The following DIP2A variants were observed in gnomAD, a reference collection of about 807,000 sequenced individuals.
DIP2A encodes DIP2 acetate--CoA ligase A.
In DIP2A, 85 loss-of-function variants were observed where a neutral mutation model predicts 177.4. The observed-to-expected ratio is 0.48, with a 90% CI of 0.40 to 0.57. The LOEUF is 0.57. Ranked by LOEUF, DIP2A falls within the 20% of genes least tolerant of loss-of-function variation. The pLI is 0.00. For synonymous variants in DIP2A, 886 were observed against 881.8 expected, an observed-to-expected ratio of 1.00 and a Z score of -0.08; for missense variants, 1,791 against 2,100.2, an observed-to-expected ratio of 0.85 and a Z score of 2.88.
chr21:46,557,493 G>T lies in DIP2A; in HGVS notation c.3630-92G>T. The T allele has an allele frequency of 7.8e-6, 11 of 1,419,186 alleles. No homozygotes were observed. The highest frequency in any genetic ancestry group is 1.0e-5 in the Non-Finnish European group (11 of 1,057,310). The allele number at this position is 1,419,186 out of a possible 1,614,324, so 87.9% of individuals were successfully genotyped here. ...GAACAGAAATCATGCCCCTGTTGTGGCTGGAAAAGAAGTGTTCTTGAGGAA... is the reference window on the plus strand; with the variant it reads ...GAACAGAAATCATGCCCCTGTTGTGTCTGGAAAAGAAGTGTTCTTGAGGAA... On this transcript the variant is annotated intron_variant, in intron 30 of 37. Coordinates refer to ENST00000417564, the MANE Select transcript of DIP2A (RefSeq NM_015151.4). This position sits in a 1 kb window ranked among gnomAD's most constrained non-coding sequence, Gnocchi z 6.0.
chr21:46,502,495 TG>T (rs2057710309), intron 5 of DIP2A, among the ~76,000 whole-genome samples: 1 of 128,830 alleles, frequency 7.8e-6, no homozygotes, highest in South Asian at 2.7e-4. Flanking sequence ...TCCCCCAGGC[TG>T]GAGTGCAGTG....
intron 18 of DIP2A, among the ~76,000 whole-genome samples, chr21:46,542,916 A>G (rs1221753048): frequency 2.0e-5 from 3 of 152,216 alleles, no homozygotes; most frequent in Non-Finnish European, 4.4e-5. Context: ...GTGGCTGCTC[A>G]GGTGCAGACC....
intron 1 of DIP2A, among the ~76,000 whole-genome samples, chr21:46,474,078 C>T (rs2055634806): frequency 1.3e-5 from 2 of 152,106 alleles, no homozygotes; most frequent in African/African-American, 4.8e-5. Context: ...CTGGTCTGGA[C>T]AGAGCTGAGC....
intron 28 of DIP2A, 150 bp downstream of exon 28, chr21:46,555,083 T>G (rs113234632): frequency 0.02 from 15,228 of 780,376 alleles, 196 homozygotes; most frequent in Non-Finnish European, 0.025. Flanking sequence ...CGGGCCCTGG[T>G]GGGGAGTAGG....
At chr21:46,521,778 T>C (rs1050953529) in intron 8 of DIP2A, among the ~76,000 whole-genome samples, 10 of 152,280 alleles carry the variant, frequency 6.6e-5, no homozygotes, top group Non-Finnish European at 1.3e-4. Context: ...CACACACAAT[T>C]TCTTTTACAA....
intron 3 of DIP2A, among the ~76,000 whole-genome samples, chr21:46,496,652 C>T (rs2057377297): frequency 6.6e-6 from 1 of 152,142 alleles, no homozygotes; most frequent in Non-Finnish European, 1.5e-5. Flanking sequence ...CCCTCCTGAG[C>T]CATATGAGGC....
intron 33 of DIP2A, chr21:46,561,196 C>T (rs1236632608): frequency 9.3e-6 from 3 of 324,268 alleles, no homozygotes; most frequent in Non-Finnish European, 1.6e-5. Context: ...CCCGATGACC[C>T]ATGTGACATT....
chr21:46,551,941 C>T lies in DIP2A; in HGVS notation c.3030+37C>T, dbSNP rs1373093155. ...TCACGCCCACGGGGCTTGGAAACAC[C>T]TGTGGGCCGGTGGAGCCCTTTGCTT... On this transcript the variant is annotated intron_variant, in intron 25 of 37. Transcript: ENST00000417564. 7 of 1,559,978 alleles carry T rather than the reference C, an allele frequency of 4.5e-6. No homozygotes were observed. In the South Asian group the frequency reaches 5.8e-5, roughly 13 times the overall value.
chr21:46,466,755 A>G (rs1001537339), intron 1 of DIP2A, among the ~76,000 whole-genome samples: 2 of 151,172 alleles, frequency 1.3e-5, no homozygotes, highest in African/African-American at 2.4e-5. Context: ...CCTTTTTCCA[A>G]CTGCATGTCT....
intron 27 of DIP2A, 36 bp from the exon 28 acceptor site, chr21:46,554,786 G>GGGGGGGGGCCCCCCCCCCCCCCC: frequency 6.6e-7 from 1 of 1,519,118 alleles, no homozygotes; most frequent in Non-Finnish European, 8.8e-7. Context: ...AGCTTGAGAG[G>GGGGGGGGGCCCCCCCCCCCCCCC]CCCCGCCCAC....
In DIP2A at chr21:46,557,517, A is replaced by G. The variant is rs2060510318; in HGVS notation, c.3630-68A>G. On this transcript the variant is annotated intron_variant, in intron 30 of 37. Coordinates refer to ENST00000417564, the MANE Select transcript of DIP2A (RefSeq NM_015151.4). The surrounding 1 kb of genome is among the most constrained non-coding windows in gnomAD (Gnocchi z 6.0). ...GGCTGGAAAAGAAGTGTTCTTGAGG[A>G]AGGGAAGAGTGGAGTGCCCAGGGTG... 1 of 1,517,296 alleles carries G rather than the reference A, an allele frequency of 6.6e-7. No homozygotes were observed. Among genetic ancestry groups the G allele is most frequent in the Non-Finnish European group, 8.9e-7 (1 of 1,122,012 alleles). 94.0% of individuals were successfully genotyped at this position (1,517,296 alleles called of 1,614,324 possible).
At position 46,498,629 on chromosome 21, in the gene DIP2A, C is replaced by A. The variant is rs1249743492; in HGVS notation, c.451C>A (p.Arg151=). The A allele has an allele frequency of 1.2e-6, 2 of 1,612,948 alleles. No individual in the cohort carries two copies. The highest frequency in any genetic ancestry group is 8.5e-7 in the Non-Finnish European group (1 of 1,179,550). ...EDEGSLRRPG[R]LTSTPLQSHS... is the part of the protein sequence containing the mutation. ...TGAGGGCTCTTTACGGCGACCCGGG[C>A]GACTCACCTCCACTCCGCTCCAGAG... The change falls in exon 5 of 38, where the codon CGA becomes AGA. Residue 151 remains arginine, a synonymous_variant. Transcript: ENST00000417564. The surrounding 1 kb of genome is among the most constrained non-coding windows in gnomAD (Gnocchi z 4.3).
chr21:46,545,751 G>A, intron 19 of DIP2A, 130 bp from the exon 20 acceptor site: 3 of 1,097,420 alleles, frequency 2.7e-6, no homozygotes, highest in South Asian at 2.8e-5. Context: ...GCCTATGCAG[G>A]GCCAGCCTCC....
At chr21:46,487,371 C>T (rs1328402114) in intron 2 of DIP2A, among the ~76,000 whole-genome samples, 2 of 152,142 alleles carry the variant, frequency 1.3e-5, no homozygotes, top group African/African-American at 2.4e-5. Flanking sequence ...GCCCATTTGT[C>T]CAAAATCACC....
At position 46,568,287 on chromosome 21, in the gene DIP2A, G is replaced by A. The variant is rs143653090; in HGVS notation, c.*665G>A. Reference sequence around the variant, plus strand: ...TGTAATCCCAGCACTTTGGGAGGCCGAGGCGAGCAGATCACGAGGTCAGGA... The same window carrying A: ...TGTAATCCCAGCACTTTGGGAGGCCAAGGCGAGCAGATCACGAGGTCAGGA... On this transcript the variant is annotated 3_prime_UTR_variant, in exon 38 of 38. Transcript: ENST00000417564. 9,810 of 152,320 alleles carry A rather than the reference G, an allele frequency of 0.064. 358 individuals are homozygous for A. The highest frequency in any genetic ancestry group is 0.08 in the Non-Finnish European group (5,459 of 68,132). The allele number at this position is 152,320 out of a possible 1,614,324, so 9.4% of individuals were successfully genotyped here.
At chr21:46,579,413 G>A in the DIP2A span, among the ~76,000 whole-genome samples, 2 of 148,542 alleles carry the variant, frequency 1.3e-5, no homozygotes, top group Non-Finnish European at 1.5e-5. Context: ...TCCTGGATTC[G>A]TTGATTTTTT....
chr21:46,503,767 C>A (rs1175123183), intron 5 of DIP2A, among the ~76,000 whole-genome samples: 1 of 150,328 alleles, frequency 6.7e-6, no homozygotes, highest in African/African-American at 2.5e-5. Flanking sequence ...GCTCTGTTGC[C>A]CAAGTTAGAG....
intron 9 of DIP2A, among the ~76,000 whole-genome samples, chr21:46,530,436 G>A (rs1189644099): frequency 6.6e-6 from 1 of 152,080 alleles, no homozygotes; most frequent in Admixed American, 6.5e-5. Context: ...AGAAAAGTAA[G>A]GAAGGGAGGA....
intron 1 of DIP2A, among the ~76,000 whole-genome samples, chr21:46,466,775 A>C (rs1033714512): frequency 7.3e-5 from 10 of 137,616 alleles, no homozygotes; most frequent in African/African-American, 1.8e-4. Flanking sequence ...TCTCTGAAAA[A>C]GGATTTGATT....
Sources: gnomAD v4.1 joint callset for allele counts (sites outside exome capture counted in the v4.1 genomes callset) on GRCh38, gnomAD v4.1.1 for gene constraint, Gnocchi (gnomAD v3.1) non-coding constraint, MANE v1.5 for transcripts, NCBI Gene and HGNC (gene_info 2026-07-23, HGNC 2026-07-21) for gene names.